ANO3: variants seen among roughly 807,000 people sequenced by gnomAD.
The protein encoded by ANO3 is anoctamin 3, also known as anoctamin-3.
A neutral mutation model predicts 144.8 loss-of-function variants in ANO3; 99 were observed. The ratio of observed to expected loss-of-function variants is 0.68; its 90% CI spans 0.58 to 0.81. The LOEUF (loss-of-function observed/expected upper bound fraction) is 0.81. Ranked by LOEUF, ANO3 falls within the 30% of genes least tolerant of loss-of-function variation. The pLI, the probability that ANO3 is intolerant of heterozygous loss-of-function variation, is 0.00. For synonymous variants in ANO3, 414 were observed against 392.6 expected, an observed-to-expected ratio of 1.05 and a Z score of -0.64; for missense variants, 905 against 1,202.2, an observed-to-expected ratio of 0.75 and a Z score of 3.66.
chr11:26,234,522 A>G (rs1478280849), intron 1 of ANO3, among the ~76,000 whole-genome samples: 1 of 152,216 alleles, frequency 6.6e-6, no homozygotes, highest in Admixed American at 6.5e-5. Flanking sequence ...GATTTACATC[A>G]TTTTAAAAAC....
At chr11:26,576,198 T>C (rs1850981612) in intron 14 of ANO3, among the ~76,000 whole-genome samples, 1 of 152,210 alleles carries the variant, frequency 6.6e-6, no homozygotes, top group Non-Finnish European at 1.5e-5. Flanking sequence ...TGCCACTTAA[T>C]GGTTTCATAA....
intron 4 of ANO3, among the ~76,000 whole-genome samples, chr11:26,506,774 G>T (rs1191143204): frequency 6.6e-6 from 1 of 152,204 alleles, no homozygotes; most frequent in African/African-American, 2.4e-5. Flanking sequence ...ACCTGTTGCT[G>T]TAGGGTGACT....
intron 4 of ANO3, among the ~76,000 whole-genome samples, chr11:26,491,953 G>A (rs983793924): frequency 4.6e-5 from 7 of 152,178 alleles, no homozygotes; most frequent in Non-Finnish European, 8.8e-5. Flanking sequence ...CGTAAGTACA[G>A]CTTAATATAT....
At chr11:26,379,641 A>G (rs1391173033) in intron 1 of ANO3, among the ~76,000 whole-genome samples, 1 of 152,054 alleles carries the variant, frequency 6.6e-6, no homozygotes, top group Non-Finnish European at 1.5e-5. Flanking sequence ...AAAGAAAAAA[A>G]AATGAACTGG....
intron 17 of ANO3, among the ~76,000 whole-genome samples, chr11:26,622,429 T>TAAA: frequency 1.1e-5 from 1 of 92,014 alleles, no homozygotes; most frequent in Non-Finnish European, 2.5e-5. Context: ...AAGCCATCTC[T>TAAA]GAAAAAAAAA....
chr11:26,523,546 T>C (rs1365854977), intron 6 of ANO3, among the ~76,000 whole-genome samples: 2 of 152,190 alleles, frequency 1.3e-5, no homozygotes, highest in African/African-American at 4.8e-5. Flanking sequence ...AGAATTCATA[T>C]ACATTTCAAA....
At chr11:26,433,412 C>T (rs779244486) in intron 1 of ANO3, among the ~76,000 whole-genome samples, 3 of 151,946 alleles carry the variant, frequency 2.0e-5, no homozygotes, top group Admixed American at 1.3e-4. Context: ...TTGTTTTGGC[C>T]AGGACTTCCA....
chr11:26,610,348 A>C (rs1227592886), intron 17 of ANO3, among the ~76,000 whole-genome samples: 3 of 136,772 alleles, frequency 2.2e-5, no homozygotes, highest in Non-Finnish European at 4.8e-5. Context: ...GACCATTTCA[A>C]TGTCTTTTTT....
chr11:26,615,883 T>G (rs554194363), intron 17 of ANO3, among the ~76,000 whole-genome samples: 49 of 152,340 alleles, frequency 3.2e-4, no homozygotes, highest in Non-Finnish European at 6.3e-4. Flanking sequence ...CTTTTTATTC[T>G]TTTTAAATAA....
chr11:26,424,513 C>A (rs1857862232), intron 1 of ANO3, among the ~76,000 whole-genome samples: 4 of 151,988 alleles, frequency 2.6e-5, no homozygotes, highest in Admixed American at 1.3e-4. Context: ...GCATTTTACT[C>A]TCAGTCCAAC....
At chr11:26,397,815 T>C (rs1486013049) in intron 1 of ANO3, among the ~76,000 whole-genome samples, 1 of 152,030 alleles carries the variant, frequency 6.6e-6, no homozygotes, top group African/African-American at 2.4e-5. Flanking sequence ...TAGCTGTAAT[T>C]TTGTATCCTT....
At chr11:26,443,732 C>T in intron 2 of ANO3, 33 bp from the exon 3 acceptor site, 1 of 1,386,890 alleles carries the variant, frequency 7.2e-7, no homozygotes, top group Non-Finnish European at 9.9e-7. Flanking sequence ...GCTTTTATTT[C>T]CCAAAACTAC....
intron 13 of ANO3, chr11:26,559,036 T>C (rs931394642): frequency 2.0e-5 from 3 of 152,180 alleles, no homozygotes; most frequent in African/African-American, 7.2e-5. Context: ...CAAAGGTAAA[T>C]TGAATTTATA....
intron 14 of ANO3, among the ~76,000 whole-genome samples, chr11:26,587,512 C>G (rs868136845): frequency 1.3e-5 from 2 of 152,162 alleles, no homozygotes; most frequent in South Asian, 4.1e-4. Flanking sequence ...TCAGCCTACC[C>G]TTCAAATCCA....
chr11:26,595,460 G>GTTTTTTTT (rs201712393), intron 14 of ANO3, among the ~76,000 whole-genome samples: 1,921 of 101,200 alleles, frequency 0.019, 208 homozygotes, highest in African/African-American at 0.035. Context: ...AGATAGAGTT[G>GTTTTTTTT]TTTTTTTTTT....
intron 11 of ANO3, among the ~76,000 whole-genome samples, chr11:26,544,219 C>T (rs1849717920): frequency 1.7e-5 from 2 of 119,734 alleles, no homozygotes; most frequent in Non-Finnish European, 3.5e-5. Flanking sequence ...AGGATCTTCT[C>T]CTTTTTTAAG....
At position 26,223,622 on chromosome 11, in the gene ANO3, AC is replaced by A. The variant is rs200011161; in HGVS notation, c.154+34295del. Among the ~76,000 whole-genome samples the A allele has an allele frequency of 1.7e-3, 251 of 149,428 alleles. 2 individuals carry two copies. The highest frequency in any genetic ancestry group is 2.2e-3 in the Non-Finnish European group (149 of 67,430). ...TTTAATAAAAAAAAAAAAAAAAAAA[AC>A]CCTGAGATTGGGTAATTTATGAAGA... On this transcript the variant is annotated intron_variant, in intron 1 of 27. Transcript: ENST00000672621.
At chr11:26,414,318 T>C (rs1857512743) in intron 1 of ANO3, among the ~76,000 whole-genome samples, 1 of 152,072 alleles carries the variant, frequency 6.6e-6, no homozygotes, top group Non-Finnish European at 1.5e-5. Context: ...CTATTTTCAA[T>C]AGCAAAGACA....
At chr11:26,267,172 T>TCACG (rs200858152) in intron 1 of ANO3, among the ~76,000 whole-genome samples, 2,339 of 151,382 alleles carry the variant, frequency 0.015, 58 homozygotes, top group African/African-American at 0.054. Context: ...AGAAGGACCT[T>TCACG]CACGCACGCA....
Sources: gnomAD v4.1 joint callset for allele counts (sites outside exome capture counted in the v4.1 genomes callset) on GRCh38, gnomAD v4.1.1 for gene constraint, MANE v1.5 for transcripts, NCBI Gene and HGNC (gene_info 2026-07-23, HGNC 2026-07-21) for gene names.